The following RPL5 variants were observed in gnomAD, a reference collection of about 807,000 sequenced individuals.
The protein encoded by RPL5 is large ribosomal subunit protein uL18.
In RPL5, 1 loss-of-function variant was observed where a neutral mutation model predicts 38.4. The ratio of observed to expected loss-of-function variants is 0.03; its 90% CI spans 0.01 to 0.12. The LOEUF is 0.12. Among genes scored for constraint, RPL5 ranks in the 10% least tolerant of loss-of-function variants. The pLI is 1.00. For synonymous variants in RPL5, 109 were observed against 121.2 expected (o/e 0.90, Z 0.66); for missense variants, 243 against 374.1 (o/e 0.65, Z 2.89).
chr1:92,838,009 C>T (rs1391004236), intron 6 of RPL5, among the ~76,000 whole-genome samples: 1 of 152,164 alleles, frequency 6.6e-6, no homozygotes, highest in African/African-American at 2.4e-5. Context: ...GACATGTACA[C>T]AGGAAAAGAG....
intron 3 of RPL5, 103 bp downstream of exon 3, chr1:92,833,763 CA>C: frequency 1.2e-6 from 1 of 857,158 alleles, no homozygotes; most frequent in Non-Finnish European, 1.9e-6. Flanking sequence ...CTAGCACCTC[CA>C]AAAGCATCCA....
intron 6 of RPL5, among the ~76,000 whole-genome samples, chr1:92,839,335 G>A (rs1460768952): frequency 1.3e-5 from 2 of 152,070 alleles, no homozygotes; most frequent in African/African-American, 4.8e-5. Context: ...CTCCAGCCTG[G>A]GCAACAGAGC....
chr1:92,837,271 G>A, intron 5 of RPL5, 185 bp from the exon 6 acceptor site: 1 of 771,946 alleles, frequency 1.3e-6, no homozygotes, highest in Non-Finnish European at 2.4e-6. Context: ...TTTCTGTCCT[G>A]GAATTCAGAG....
rs370085772 is a variant in RPL5 at position 92,837,650 on chromosome 1, A to T, written c.705+17A>T. ...CCAGACATGGTAAAACATTTACCTA[A>T]AAATGCCTATATTGGTTAATTTATG... On this transcript the variant is annotated intron_variant, in intron 6 of 7. Transcript: ENST00000370321. 1.9e-6 allele frequency: 3 copies of T among 1,604,054 alleles called. No individual in the cohort carries two copies. Among genetic ancestry groups the T allele is most frequent in the Non-Finnish European group, 2.6e-6 (3 of 1,172,548 alleles).
chr1:92,833,184 G>A (rs566693990), intron 1 of RPL5: 2 of 648,370 alleles, frequency 3.1e-6, no homozygotes, highest in Admixed American at 2.6e-5. Flanking sequence ...CATTTTTATT[G>A]TTTTATGAAA....
chr1:92,832,088 A>G lies in RPL5; in HGVS notation c.-27A>G, dbSNP rs745448466. 7 of 1,613,862 alleles carry G rather than the reference A, an allele frequency of 4.3e-6. No homozygotes were observed. The highest frequency in any genetic ancestry group is 1.7e-5 in the Admixed American group (1 of 59,976). ...CTGGGCCTGCAGGTCTCTGTCGAGC[A>G]GCGGACGCCGGTCTCTGTTCCGCAG... On this transcript the variant is annotated 5_prime_UTR_variant, in exon 1 of 8. Coordinates refer to ENST00000370321, the MANE Select transcript of RPL5 (RefSeq NM_000969.5).
Position 92,832,045 on chromosome 1 carries a change from T to A in RPL5, c.-70T>A, listed in dbSNP as rs551112484. 3.0e-5 allele frequency: 49 copies of A among 1,607,810 alleles called. No homozygotes were observed. The Admixed American group carries it at 8.1e-4, about 27-fold the overall frequency. ...GCCTGCGCAAGGGCTGTGGCCCTTT[T>A]CCCACCCCCTAGCGCCGCTGGGCCT... On this transcript the variant is annotated 5_prime_UTR_variant, in exon 1 of 8. Transcript: ENST00000370321.
At chr1:92,841,718 ATTCTC>A in intron 7 of RPL5, 43 bp from the exon 8 acceptor site, 6 of 1,194,346 alleles carry the variant, frequency 5.0e-6, no homozygotes, top group Non-Finnish European at 7.2e-6. Context: ...TAAATATTCT[ATTCTC>A]TTCAGTTATA....
chr1:92,833,963 C>G (rs1687017103), intron 3 of RPL5: 2 of 368,296 alleles, frequency 5.4e-6, no homozygotes, highest in Admixed American at 4.3e-5. Flanking sequence ...AGAAAATTAG[C>G]TGGGCATGGC....
intron 7 of RPL5, among the ~76,000 whole-genome samples, chr1:92,841,200 A>G (rs571377892): frequency 6.6e-6 from 1 of 152,344 alleles, no homozygotes; most frequent in Admixed American, 6.5e-5. Context: ...TGCACCCACC[A>G]GCCTCTGTAA....
intron 1 of RPL5, 70 bp downstream of exon 1, chr1:92,832,187 TA>T: frequency 6.2e-7 from 1 of 1,603,018 alleles, no homozygotes. Flanking sequence ...TATGCCAGCC[TA>T]GGGCCCGTCT....
rs758757902 is a variant in RPL5, at chr1:92,832,102, T to G, written c.-13T>G. On this transcript the variant is annotated 5_prime_UTR_variant, in exon 1 of 8. Transcript: ENST00000370321. ...CTCTGTCGAGCAGCGGACGCCGGTC[T>G]CTGTTCCGCAGGATGGTGAGTGGAT... The G allele has an allele frequency of 6.2e-7, 1 of 1,614,154 alleles. No homozygotes were observed. The highest frequency in any genetic ancestry group is 2.2e-5 in the East Asian group (1 of 44,876).
At chr1:92,838,634 C>T (rs1316420384) in intron 6 of RPL5, among the ~76,000 whole-genome samples, 1 of 152,204 alleles carries the variant, frequency 6.6e-6, no homozygotes, top group African/African-American at 2.4e-5. Context: ...TGCTGAAATC[C>T]TGTGCAGACA....
rs373283038 is a variant in RPL5 at position 92,838,985 on chromosome 1, A to G, written c.705+1352A>G. ...TTTTAGAGACCTGGATTACTGTGAC[A>G]TAGTCTGTAGTGGGCTATAATTATT... On this transcript the variant is annotated intron_variant, in intron 6 of 7. Transcript: ENST00000370321. 1.9e-3 allele frequency among the ~76,000 whole-genome samples: 281 copies of G among 150,664 alleles called. 3 individuals carry two copies. Among genetic ancestry groups the G allele is most frequent in the African/African-American group, 6.1e-3 (252 of 41,002 alleles).
At chr1:92,836,490 A>G (rs1687134067) in intron 5 of RPL5, 98 bp downstream of exon 5, 12 of 1,082,054 alleles carry the variant, frequency 1.1e-5, no homozygotes, top group South Asian at 9.0e-5. Flanking sequence ...GTAGCTATCA[A>G]TTGAATGCCT....
In RPL5 at chr1:92,832,091, G is replaced by A. The variant is rs775379177; in HGVS notation, c.-24G>A. 2.5e-6 allele frequency: 4 copies of A among 1,613,878 alleles called. No homozygotes were observed. The East Asian group carries it at 8.9e-5, about 36-fold the overall frequency. Reference sequence around the variant, plus strand: ...GGCCTGCAGGTCTCTGTCGAGCAGCGGACGCCGGTCTCTGTTCCGCAGGAT... The same window carrying A: ...GGCCTGCAGGTCTCTGTCGAGCAGCAGACGCCGGTCTCTGTTCCGCAGGAT... On this transcript the variant is annotated 5_prime_UTR_variant, in exon 1 of 8. Transcript: ENST00000370321.
At chr1:92,840,944 CT>C in intron 7 of RPL5, 1 of 478,904 alleles carries the variant, frequency 2.1e-6, no homozygotes. Context: ...GAAAGTAATA[CT>C]TAATGAACAT....
rs947662398 is a variant in RPL5, at chr1:92,835,168, G to A, written c.324+255G>A. 1.3e-5 allele frequency: 7 copies of A among 542,986 alleles called. No homozygotes were observed. In the African/African-American group the frequency reaches 1.3e-4, roughly 10 times the overall value. The allele number at this position is 542,986 out of a possible 1,614,324, so 33.6% of individuals were successfully genotyped here. On this transcript the variant is annotated intron_variant, in intron 4 of 7. Coordinates refer to ENST00000370321, the MANE Select transcript of RPL5 (RefSeq NM_000969.5). ...TGCAGCTGTTGAGTTCCAGCAGTAT[G>A]TAAACTTGAATTTGAAAATCCACTT...
At chr1:92,838,998 G>C (rs1056473233) in intron 6 of RPL5, among the ~76,000 whole-genome samples, 4 of 150,728 alleles carry the variant, frequency 2.7e-5, no homozygotes, top group African/African-American at 9.8e-5. Flanking sequence ...GTCTGTAGTG[G>C]GCTATAATTA....
Sources: allele counts gnomAD v4.1 joint callset (sites outside exome capture counted in the v4.1 genomes callset), GRCh38; gene constraint gnomAD v4.1.1; transcripts MANE v1.5; gene names NCBI Gene and HGNC (gene_info 2026-07-23, HGNC 2026-07-21).